Variants in IL1A observed in about 807,000 individuals in gnomAD.
IL1A encodes interleukin 1 alpha, also known as interleukin-1 alpha.
IL1A carries 16 observed loss-of-function variants against 22.2 expected under a neutral mutation model. The observed-to-expected ratio is 0.72, with a 90% CI of 0.49 to 1.09. The LOEUF (loss-of-function observed/expected upper bound fraction) is 1.09, where lower values mean the gene tolerates loss of function less well. Among genes scored for constraint, IL1A ranks in the 50% least tolerant of loss-of-function variants. The probability of loss-of-function intolerance (pLI) is 0.00; values close to 1 mark genes in which losing one functional copy is unlikely to be tolerated. For synonymous variants in IL1A, 113 were observed against 118.5 expected (o/e 0.95, Z 0.30); for missense variants, 317 against 321.8 (o/e 0.99, Z 0.11).
intron 6 of IL1A, among the ~76,000 whole-genome samples, chr2:112,776,497 C>G (rs1681103751): frequency 1.7e-5 from 1 of 60,280 alleles, no homozygotes; most frequent in African/African-American, 7.7e-5. Context: ...CAACCACGAC[C>G]CGCCCCCTCC....
At chr2:112,783,964 G>A (rs973686262) in intron 1 of IL1A, among the ~76,000 whole-genome samples, 186 bp from the exon 2 acceptor site, 3 of 152,130 alleles carry the variant, frequency 2.0e-5, no homozygotes, top group African/African-American at 7.2e-5. Context: ...TTATTAGATC[G>A]TAAACTTCTT....
intron 2 of IL1A, among the ~76,000 whole-genome samples, chr2:112,783,113 T>C (rs1476234841): frequency 6.6e-6 from 1 of 152,242 alleles, no homozygotes; most frequent in East Asian, 1.9e-4. Context: ...TTTAACCAAA[T>C]AGATTATATG....
At position 112,775,113 on chromosome 2, in the gene IL1A, C is replaced by T; in HGVS notation, c.770G>A (p.Gly257Glu). 1 of 1,614,130 alleles carries T rather than the reference C, an allele frequency of 6.2e-7. No homozygotes were observed. The highest frequency in any genetic ancestry group is 2.2e-5 in the East Asian group (1 of 44,884). ...KQDYWVCLAG[G>E]PPSITDFQIL... ...CTGAAAGTCAGTGATAGAGGGTGGC[C>T]CCCCTGCCAAGCACACCCAGTAGTC... is the stretch of plus-strand genomic sequence containing the variant. The change falls in exon 7 of 7, where the codon GGG (glycine) becomes GAG (glutamate). Residue 257 changes from glycine (G) to glutamate (E), a missense_variant. Gly to Glu is a moderately conservative substitution (Grantham distance 98). Transcript: ENST00000263339.
intron 6 of IL1A, among the ~76,000 whole-genome samples, chr2:112,776,484 C>T (rs1266284832): frequency 8.5e-6 from 1 of 117,336 alleles, no homozygotes; most frequent in South Asian, 3.3e-4. Context: ...ACCCAAAAAC[C>T]CACAACCACG....
chr2:112,782,618 CA>C, intron 3 of IL1A, 97 bp downstream of exon 3: 1 of 900,714 alleles, frequency 1.1e-6, no homozygotes, highest in Non-Finnish European at 1.8e-6. Flanking sequence ...GAGGGTAAAA[CA>C]AAAGTATTGA....
At position 112,775,285 on chromosome 2, in the gene IL1A, G is replaced by A. The variant is rs1353938951; in HGVS notation, c.616-18C>T. ...GGCATCTCCTATGAAGAAAAGAAGA[G>A]AATTCTGTTAGAGAACAAGATGGTA... On this transcript the variant is annotated intron_variant, in intron 6 of 6. Transcript: ENST00000263339. 1 of 1,599,712 alleles carries A rather than the reference G, an allele frequency of 6.3e-7. No homozygotes were observed. Among genetic ancestry groups the A allele is most frequent in the Admixed American group, 1.7e-5 (1 of 59,944 alleles).
chr2:112,775,463 A>G (rs1417108064), intron 6 of IL1A, among the ~76,000 whole-genome samples, 196 bp from the exon 7 acceptor site: 2 of 152,212 alleles, frequency 1.3e-5, no homozygotes, highest in East Asian at 1.9e-4. Context: ...GGCCCAGTCT[A>G]TTAATAAGAG....
Position 112,783,536 on chromosome 2 carries a change from T to C in IL1A, c.47+188A>G, listed in dbSNP as rs2104911237. Among the ~76,000 whole-genome samples, 6 of 152,340 alleles carry C rather than the reference T, an allele frequency of 3.9e-5. No homozygotes were observed. In the South Asian group the frequency reaches 1.2e-3, roughly 32 times the overall value. ...AATGGCGGTCTCCCTGCCAATGTAA[T>C]CTCAGTTTAACATGCTGAATGCTTA... On this transcript the variant is annotated intron_variant, in intron 2 of 6. Coordinates refer to ENST00000263339, the MANE Select transcript of IL1A (RefSeq NM_000575.5).
chr2:112,775,686 T>G lies in IL1A; in HGVS notation c.616-419A>C, dbSNP rs538312994. On this transcript the variant is annotated intron_variant, in intron 6 of 6. Transcript: ENST00000263339. ...TCTCCAAGTGAACAAATCATACCTTTGGAAATCAATTTAGCATTTAGATGA... is the reference window on the plus strand; with the variant it reads ...TCTCCAAGTGAACAAATCATACCTTGGGAAATCAATTTAGCATTTAGATGA... 4.8e-3 allele frequency among the ~76,000 whole-genome samples: 725 copies of G among 151,918 alleles called. 2 individuals carry two copies. The highest frequency in any genetic ancestry group is 0.017 in the African/African-American group (691 of 41,418).
chr2:112,781,863 A>G (rs1681213073), intron 3 of IL1A, 37 bp from the exon 4 acceptor site: 2 of 1,460,868 alleles, frequency 1.4e-6, no homozygotes, highest in African/African-American at 1.4e-5. Context: ...GAGGCTGTTC[A>G]TGGTCAGGGA....
chr2:112,778,125 G>C lies in IL1A; in HGVS notation c.491-14C>G. ...TGTCAAATTTCACTGGTGAAGAGAA[G>C]AACCAAAAAGAAAGTAAATTCATTG... On this transcript the variant is annotated splice_polypyrimidine_tract_variant and intron_variant, in intron 5 of 6. Transcript: ENST00000263339. 6.2e-7 allele frequency: 1 copy of C among 1,605,514 alleles called. No individual in the cohort carries two copies. Among genetic ancestry groups the C allele is most frequent in the Non-Finnish European group, 8.5e-7 (1 of 1,175,634 alleles).
chr2:112,778,527 A>G (rs1331238249), intron 5 of IL1A, among the ~76,000 whole-genome samples: 1 of 152,232 alleles, frequency 6.6e-6, no homozygotes, highest in Non-Finnish European at 1.5e-5. Context: ...ACTGAAAAGT[A>G]GTTCAGTTTT....
chr2:112,784,108 G>T (rs1369350851), intron 1 of IL1A, among the ~76,000 whole-genome samples: 32 of 152,206 alleles, frequency 2.1e-4, no homozygotes, highest in African/African-American at 2.4e-5. Context: ...TTACACAGAG[G>T]TAAGAGAGAG....
At position 112,774,615 on chromosome 2, in the gene IL1A, G is replaced by A. The variant is rs1420579492; in HGVS notation, c.*452C>T. The A allele has an allele frequency of 6.5e-6, 1 of 154,018 alleles. No individual in the cohort carries two copies. Among genetic ancestry groups the A allele is most frequent in the Non-Finnish European group, 1.4e-5 (1 of 69,324 alleles). 9.5% of individuals were successfully genotyped at this position (154,018 alleles called of 1,614,324 possible). On this transcript the variant is annotated 3_prime_UTR_variant, in exon 7 of 7. Transcript: ENST00000263339. ...TGAAAATGATAAAACTGAGGTCCCA[G>A]AAACTTATGCTATTTGATTAAGAGT... is the stretch of plus-strand genomic sequence containing the variant.
chr2:112,775,124 G>A lies in IL1A; in HGVS notation c.759C>T (p.Cys253=). Reference sequence around the variant, plus strand: ...TGATAGAGGGTGGCCCCCCTGCCAAGCACACCCAGTAGTCTTGCTTTGTGG... The same window carrying A: ...TGATAGAGGGTGGCCCCCCTGCCAAACACACCCAGTAGTCTTGCTTTGTGG... ...FIATKQDYWV[C]LAGGPPSITD... is the part of the protein sequence containing the mutation. The change falls in exon 7 of 7, where the codon TGC becomes TGT. Residue 253 remains cysteine (C), a synonymous_variant. Coordinates refer to ENST00000263339, the MANE Select transcript of IL1A (RefSeq NM_000575.5). 1 of 1,614,164 alleles carries A rather than the reference G, an allele frequency of 6.2e-7. No homozygotes were observed. The highest frequency in any genetic ancestry group is 8.5e-7 in the Non-Finnish European group (1 of 1,180,004).
Position 112,779,574 on chromosome 2 carries a change from C to T in IL1A, c.412G>A (p.Asp138Asn), listed in dbSNP as rs3783581. 8.7e-4 allele frequency: 1,406 copies of T among 1,612,036 alleles called. 12 individuals carry two copies. The African/African-American group carries it at 0.017, about 19-fold the overall frequency. ...CGAATTATACTTTGATTGAGGGCGTCATTCAGGATGAATTCGTATTTGATG... is the reference window on the plus strand; with the variant it reads ...CGAATTATACTTTGATTGAGGGCGTTATTCAGGATGAATTCGTATTTGATG... ...RIIKYEFILN[D>N]ALNQSIIRAN... is the part of the protein sequence containing the mutation. Residue 138 changes from aspartate to asparagine, a missense_variant, in exon 5 of 7, where the codon GAC (aspartate) becomes AAC (asparagine). Coordinates refer to ENST00000263339, the MANE Select transcript of IL1A (RefSeq NM_000575.5).
At chr2:112,779,768 G>A in intron 4 of IL1A, 102 bp from the exon 5 acceptor site, 7 of 724,810 alleles carry the variant, frequency 9.7e-6, no homozygotes, top group Non-Finnish European at 1.5e-5. Flanking sequence ...GGGGATATTA[G>A]GAATATTCCA....
intron 2 of IL1A, 91 bp downstream of exon 2, chr2:112,783,633 T>A: frequency 9.5e-7 from 1 of 1,053,618 alleles, no homozygotes; most frequent in Non-Finnish European, 1.5e-6. Flanking sequence ...TCTGCCGGCC[T>A]GCCCCCATGC....
chr2:112,775,777 CAT>C (rs770233957), intron 6 of IL1A, among the ~76,000 whole-genome samples: 4 of 152,150 alleles, frequency 2.6e-5, no homozygotes, highest in Admixed American at 1.3e-4. Context: ...CACACACACA[CAT>C]ACACACAAAA....
Sources: gnomAD v4.1 joint callset for allele counts (sites outside exome capture counted in the v4.1 genomes callset) on GRCh38, gnomAD v4.1.1 for gene constraint, MANE v1.5 for transcripts, NCBI Gene and HGNC (gene_info 2026-07-23, HGNC 2026-07-21) for gene names.